SCML2: variants seen among roughly 807,000 people sequenced by gnomAD.
The protein encoded by SCML2 is Scm polycomb group protein like 2.
A neutral mutation model predicts 48.4 loss-of-function variants in SCML2; 6 were observed. The ratio of observed to expected loss-of-function variants is 0.12; its 90% CI spans 0.07 to 0.24. The LOEUF (loss-of-function observed/expected upper bound fraction) is 0.24, where lower values mean the gene tolerates loss of function less well. Ranked by LOEUF, SCML2 falls within the 10% of genes least tolerant of loss-of-function variation. The probability of loss-of-function intolerance (pLI) is 1.00; values close to 1 mark genes in which losing one functional copy is unlikely to be tolerated. For synonymous variants in SCML2, 181 were observed against 189.5 expected (o/e 0.95, Z 0.37); for missense variants, 377 against 528.2 (o/e 0.71, Z 2.81).
At chrX:18,330,490 A>G in intron 3 of SCML2, 97 bp downstream of exon 3, 1 of 471,288 alleles carries the variant, frequency 2.1e-6, no homozygotes, top group Non-Finnish European at 3.5e-6. Context: ...AGACTGTACA[A>G]TAAGAAATCA....
In SCML2 at chrX:18,257,039, G is replaced by A; in HGVS notation, c.1274-9C>T. ...TTCCCCATCAAAGGAGGCTATTGGG[G>A]GAAAAAAAAGGATGTCAGTAACCTC... On this transcript the variant is annotated splice_polypyrimidine_tract_variant and intron_variant, in intron 10 of 14. Coordinates refer to ENST00000251900, the MANE Select transcript of SCML2 (RefSeq NM_006089.3). 1 of 1,119,260 alleles carries A rather than the reference G, an allele frequency of 8.9e-7. No individual in the cohort carries two copies. Among genetic ancestry groups the A allele is most frequent in the East Asian group, 3.2e-5 (1 of 31,401 alleles). The allele number at this position is 1,119,260 out of a possible 1,213,427, so 92.2% of individuals were successfully genotyped here. A position where few individuals can be genotyped will look rare whatever the true frequency, so the allele number is the denominator to read the frequency against.
intron 1 of SCML2, among the ~76,000 whole-genome samples, chrX:18,336,833 G>T (rs968330749): frequency 9.0e-6 from 1 of 110,858 alleles, no homozygotes; most frequent in African/African-American, 3.3e-5. Context: ...CAAATTTTAG[G>T]GCAACCGCTA....
chrX:18,335,256 C>A (rs1929774767), intron 1 of SCML2, among the ~76,000 whole-genome samples: 1 of 111,709 alleles, frequency 9.0e-6, no homozygotes, highest in Non-Finnish European at 1.9e-5. Flanking sequence ...GTAATCCCAG[C>A]ACTTTGGGAA....
At chrX:18,259,937 ATACTT>A (rs1926999571) in intron 9 of SCML2, among the ~76,000 whole-genome samples, 1 of 112,018 alleles carries the variant, frequency 8.9e-6, no homozygotes, top group Non-Finnish European at 1.9e-5. Context: ...AATGGATAAA[ATACTT>A]TAAGAGTATC....
In SCML2 at chrX:18,342,278, G is replaced by C. The variant is rs904535262; in HGVS notation, c.-24-8183C>G. ...TTTGTTTTTGGCAACATAAAGAGTA[G>C]AAGTTGCTTCACTTAATGCATATTA... On this transcript the variant is annotated intron_variant, in intron 1 of 14. Transcript: ENST00000251900. Among the ~76,000 whole-genome samples the C allele has an allele frequency of 3.6e-5, 4 of 109,842 alleles. No homozygotes were observed. In the South Asian group the frequency reaches 1.6e-3, roughly 43 times the overall value.
rs764764815 is a variant in SCML2, at chrX:18,339,286, A to G, written c.-24-5191T>C. Among the ~76,000 whole-genome samples, 3 of 112,558 alleles carry G rather than the reference A, an allele frequency of 2.7e-5. No homozygotes were observed. The East Asian group carries it at 8.3e-4, about 31-fold the overall frequency. ...TCAAAGAAAGCAGCTGTCATCTACTAATCAGCATTATCAGAAAAGTTATAC... is the reference window on the plus strand; with the variant it reads ...TCAAAGAAAGCAGCTGTCATCTACTGATCAGCATTATCAGAAAAGTTATAC... On this transcript the variant is annotated intron_variant, in intron 1 of 14. Transcript: ENST00000251900.
chrX:18,349,917 C>T (rs181932504), intron 1 of SCML2, among the ~76,000 whole-genome samples: 25 of 112,324 alleles, frequency 2.2e-4, no homozygotes, highest in Admixed American at 1.7e-3. Flanking sequence ...CCAAAGAACA[C>T]ATACACATTT....
rs1419029095 is a variant in SCML2 at position 18,242,465 on chromosome X, G to A, written c.1948C>T (p.Pro650Ser). The A allele has an allele frequency of 8.3e-7, 1 of 1,201,494 alleles. No individual in the cohort carries two copies. Among genetic ancestry groups the A allele is most frequent in the Non-Finnish European group, 1.1e-6 (1 of 892,839 alleles). The change falls in exon 14 of 15, where the codon CCC becomes TCC. Residue 650 changes from proline to serine, a missense_variant. Physicochemically the swap from Pro to Ser is moderately conservative, Grantham distance 74. Around this residue, in one of 3 missense-constraint regions of SCML2, gnomAD observed 299 missense variants for 425.5 expected, o/e 0.70. Transcript: ENST00000251900. ...MKHTDPQISG[P>S]LADLFRQHEI... ...TGTTGCCTGAAGAGGTCGGCGAGGG[G>A]GCCTGATATCTGAGGATCTGTATGT...
chrX:18,247,809 G>C lies in SCML2; in HGVS notation c.1530C>G (p.Leu510=). ...PQQTVPYVVP[L]SPKLPKTKEY... is the part of the protein sequence containing the mutation. ...CCTTTGTTTTGGGGAGCTTAGGAGA[G>C]AGAGGAACAACATATGGTACAGTTT... is the stretch of plus-strand genomic sequence containing the variant. The change falls in exon 12 of 15, where the codon CTC becomes CTG. Residue 510 remains leucine, a synonymous_variant. Coordinates refer to ENST00000251900, the MANE Select transcript of SCML2 (RefSeq NM_006089.3). The C allele has an allele frequency of 8.3e-7, 1 of 1,210,752 alleles. No homozygotes were observed. Among genetic ancestry groups the C allele is most frequent in the Non-Finnish European group, 1.1e-6 (1 of 894,418 alleles).
chrX:18,300,652 G>A (rs868845531), intron 7 of SCML2, among the ~76,000 whole-genome samples: 24 of 110,186 alleles, frequency 2.2e-4, no homozygotes, highest in Middle Eastern at 9.3e-3. Flanking sequence ...TTAGCCGGGT[G>A]TTGTGGCAGA....
chrX:18,313,916 G>A (rs1483889242), intron 6 of SCML2, among the ~76,000 whole-genome samples: 1 of 111,325 alleles, frequency 9.0e-6, no homozygotes, highest in Non-Finnish European at 1.9e-5. Context: ...AGGCTAAAAG[G>A]TTAGCATGCA....
chrX:18,313,649 T>TGA (rs1338244370), intron 6 of SCML2, among the ~76,000 whole-genome samples: 1 of 111,446 alleles, frequency 9.0e-6, no homozygotes, highest in Non-Finnish European at 1.9e-5. Context: ...CAAAATACTG[T>TGA]CATGTGTCCC....
chrX:18,298,583 G>A (rs1367666391), intron 7 of SCML2, among the ~76,000 whole-genome samples: 1 of 111,966 alleles, frequency 8.9e-6, no homozygotes, highest in Non-Finnish European at 1.9e-5. Flanking sequence ...TAGGCCAGGC[G>A]TGGTGGCTCA....
At chrX:18,251,454 A>T (rs745557870) in intron 11 of SCML2, among the ~76,000 whole-genome samples, 4 of 111,317 alleles carry the variant, frequency 3.6e-5, no homozygotes, top group Non-Finnish European at 5.7e-5. Context: ...CAATAAAAAG[A>T]CAATGAAACC....
At chrX:18,324,169 T>C (rs1343763670) in intron 4 of SCML2, 76 bp from the exon 5 acceptor site, 2 of 605,887 alleles carry the variant, frequency 3.3e-6, no homozygotes, top group Non-Finnish European at 2.6e-6. Flanking sequence ...GTCACCAGAA[T>C]ACCTGAGGAA....
At chrX:18,269,537 G>GA (rs1927377269) in intron 7 of SCML2, among the ~76,000 whole-genome samples, 1 of 111,650 alleles carries the variant, frequency 9.0e-6, no homozygotes, top group African/African-American at 3.3e-5. Flanking sequence ...ATAGCAGTAT[G>GA]AAAACAGACT....
chrX:18,350,377 A>G (rs1173922771), intron 1 of SCML2, among the ~76,000 whole-genome samples: 2 of 109,498 alleles, frequency 1.8e-5, no homozygotes, highest in South Asian at 4.0e-4. Context: ...GGAGTTTGAG[A>G]CCAGCCTGGC....
At chrX:18,262,762 G>C (rs1040161529) in intron 8 of SCML2, among the ~76,000 whole-genome samples, 1 of 107,663 alleles carries the variant, frequency 9.3e-6, no homozygotes, top group Non-Finnish European at 1.9e-5. Flanking sequence ...ACCCAAGCTG[G>C]AGTGCAAAGG....
chrX:18,258,262 C>T lies in SCML2; in HGVS notation c.1070-15G>A, dbSNP rs1391246141. 1.0e-5 allele frequency: 12 copies of T among 1,163,406 alleles called. No individual in the cohort carries two copies. Among genetic ancestry groups the T allele is most frequent in the South Asian group, 3.6e-5 (2 of 55,199 alleles). On this transcript the variant is annotated splice_polypyrimidine_tract_variant and intron_variant, in intron 9 of 14. Coordinates refer to ENST00000251900, the MANE Select transcript of SCML2 (RefSeq NM_006089.3). ...ATAGACACAGACTTGAGAAAAAATG[C>T]GTATGCATACATAACAATGAGACTG...
Sources: allele counts gnomAD v4.1 joint callset (sites outside exome capture counted in the v4.1 genomes callset), GRCh38; gene constraint gnomAD v4.1.1; regional missense constraint gnomAD v4.1.1; transcripts MANE v1.5; gene names NCBI Gene and HGNC (gene_info 2026-07-23, HGNC 2026-07-21).